The following ANKRD55 variants were observed in gnomAD, a reference collection of about 807,000 sequenced individuals.
ANKRD55 encodes ankyrin repeat domain-containing protein 55.
ANKRD55 carries 41 observed loss-of-function variants against 60.6 expected under a neutral mutation model. That is an observed-to-expected ratio of 0.68 (90% confidence interval 0.53 to 0.88). The LOEUF (loss-of-function observed/expected upper bound fraction) is 0.88. Ranked by LOEUF, ANKRD55 falls within the 40% of genes least tolerant of loss-of-function variation. The pLI is 0.00. For synonymous variants in ANKRD55, 264 were observed against 290.3 expected, an observed-to-expected ratio of 0.91 and a Z score of 0.92; for missense variants, 732 against 767.6, an observed-to-expected ratio of 0.95 and a Z score of 0.55.
chr5:56,203,314 C>T (rs1355277896), intron 2 of ANKRD55, among the ~76,000 whole-genome samples: 1 of 152,010 alleles, frequency 6.6e-6, no homozygotes, highest in African/African-American at 2.4e-5. Context: ...AGTGAGTTCT[C>T]ATGAGATCTG....
chr5:56,153,730 G>A (rs143111105), intron 6 of ANKRD55, among the ~76,000 whole-genome samples: 3 of 150,494 alleles, frequency 2.0e-5, no homozygotes, highest in South Asian at 2.1e-4. Flanking sequence ...CCAGCTACTC[G>A]GGAGGCTGAG....
Position 56,223,015 on chromosome 5 carries a change from ACTCCT to A in ANKRD55, c.58+9836_58+9840del, listed in dbSNP as rs566892307. 6.4e-4 allele frequency among the ~76,000 whole-genome samples: 98 copies of A among 152,228 alleles called. No individual in the cohort carries two copies. The East Asian group carries it at 0.018, about 28-fold the overall frequency. On this transcript the variant is annotated intron_variant, in intron 2 of 11. Transcript: ENST00000341048. ...GAAATACAGAGAATGCCACAAAGAT[ACTCCT>A]CAAGAAGACCAACTCCAAGACACAT...
chr5:56,158,730 G>C (rs1348206592), intron 6 of ANKRD55, among the ~76,000 whole-genome samples: 1 of 152,188 alleles, frequency 6.6e-6, no homozygotes, highest in East Asian at 1.9e-4. Context: ...ATGTCACTCT[G>C]TCACCCAGGC....
At chr5:56,231,124 G>T (rs757142366) in intron 2 of ANKRD55, among the ~76,000 whole-genome samples, 1 of 152,086 alleles carries the variant, frequency 6.6e-6, no homozygotes, top group South Asian at 2.1e-4. Flanking sequence ...TCTGATCTAC[G>T]TCTATAAGAT....
intron 2 of ANKRD55, among the ~76,000 whole-genome samples, chr5:56,199,711 A>G (rs1759317455): frequency 6.6e-6 from 1 of 151,610 alleles, no homozygotes; most frequent in Admixed American, 6.6e-5. Context: ...TAACACGGTG[A>G]AACCCTGTCT....
At chr5:56,116,192 G>A (rs1300212164) in intron 9 of ANKRD55, among the ~76,000 whole-genome samples, 3 of 152,140 alleles carry the variant, frequency 2.0e-5, no homozygotes, top group Admixed American at 1.3e-4. Flanking sequence ...ATATTGACGG[G>A]TTTGACTCTC....
chr5:56,121,936 C>G (rs1757077939), intron 8 of ANKRD55, among the ~76,000 whole-genome samples: 1 of 152,114 alleles, frequency 6.6e-6, no homozygotes, highest in Non-Finnish European at 1.5e-5. Flanking sequence ...TCTAGGAGGT[C>G]AAGGCTTGGC....
At chr5:56,130,411 A>T (rs1312864335) in intron 7 of ANKRD55, among the ~76,000 whole-genome samples, 1 of 152,182 alleles carries the variant, frequency 6.6e-6, no homozygotes, top group African/African-American at 2.4e-5. Flanking sequence ...AAGGGGAAAA[A>T]ACATCCTGAG....
intron 11 of ANKRD55, among the ~76,000 whole-genome samples, chr5:56,102,214 C>G (rs1013100740): frequency 1.3e-5 from 2 of 151,810 alleles, no homozygotes; most frequent in Non-Finnish European, 2.9e-5. Context: ...TGGCAAAACC[C>G]CATCTCTACT....
intron 6 of ANKRD55, among the ~76,000 whole-genome samples, chr5:56,158,587 C>T (rs890701059): frequency 1.3e-5 from 2 of 152,158 alleles, no homozygotes; most frequent in Admixed American, 6.5e-5. Flanking sequence ...AAGCCTTCTA[C>T]TTGCAACATG....
chr5:56,125,011 C>T (rs1757198741), intron 8 of ANKRD55, among the ~76,000 whole-genome samples: 1 of 151,908 alleles, frequency 6.6e-6, no homozygotes. Flanking sequence ...TCTTTTTTCC[C>T]CTTAGTTTTA....
At chr5:56,223,482 G>A (rs1008062413) in intron 2 of ANKRD55, among the ~76,000 whole-genome samples, 2 of 152,144 alleles carry the variant, frequency 1.3e-5, no homozygotes, top group African/African-American at 4.8e-5. Flanking sequence ...CATAATGACA[G>A]GATCAAATTC....
intron 2 of ANKRD55, among the ~76,000 whole-genome samples, chr5:56,197,769 G>A (rs557667569): frequency 2.4e-4 from 37 of 152,154 alleles, no homozygotes; most frequent in Admixed American, 1.9e-3. Context: ...AATGAGATAC[G>A]AAAATAAACC....
At chr5:56,192,550 G>A in intron 2 of ANKRD55, 3 of 377,778 alleles carry the variant, frequency 7.9e-6, no homozygotes, top group Non-Finnish European at 1.5e-5. Context: ...TTTCCGAGAT[G>A]GCCTCTAAAT....
In ANKRD55 at chr5:56,222,641, C is replaced by T. The variant is rs554152429; in HGVS notation, c.58+10215G>A. On this transcript the variant is annotated intron_variant, in intron 2 of 11. Transcript: ENST00000341048. The stretch of plus-strand genomic sequence containing the variant: ...GACGAATGGCTAACTGAATAAATAG[C>T]GTAGAGAAGACCTTAAATGACTTGA... 2.7e-4 allele frequency among the ~76,000 whole-genome samples: 41 copies of T among 152,134 alleles called. No individual in the cohort carries two copies. The East Asian group carries it at 6.6e-3, about 24-fold the overall frequency.
At chr5:56,123,183 G>C (rs1267392792) in intron 8 of ANKRD55, among the ~76,000 whole-genome samples, 1 of 152,094 alleles carries the variant, frequency 6.6e-6, no homozygotes, top group Non-Finnish European at 1.5e-5. Flanking sequence ...CTTGTGCAGG[G>C]CCTGAACCTT....
At chr5:56,184,608 C>T (rs576614943) in intron 2 of ANKRD55, among the ~76,000 whole-genome samples, 5 of 152,142 alleles carry the variant, frequency 3.3e-5, no homozygotes, top group Admixed American at 6.5e-5. Flanking sequence ...TGGTCAAAGG[C>T]AACATCAGGC....
intron 8 of ANKRD55, among the ~76,000 whole-genome samples, chr5:56,120,989 G>T (rs61465683): frequency 1.3e-5 from 2 of 151,908 alleles, no homozygotes; most frequent in African/African-American, 4.8e-5. Context: ...TGCTTCACTA[G>T]CAGAGATACT....
intron 10 of ANKRD55, among the ~76,000 whole-genome samples, chr5:56,107,735 C>T (rs1183921412): frequency 6.6e-6 from 1 of 152,178 alleles, no homozygotes; most frequent in Non-Finnish European, 1.5e-5. Flanking sequence ...CCTGCTCCAT[C>T]AGCCCCTCGA....
Sources: gnomAD v4.1 joint callset for allele counts (sites outside exome capture counted in the v4.1 genomes callset) on GRCh38, gnomAD v4.1.1 for gene constraint, MANE v1.5 for transcripts, NCBI Gene and HGNC (gene_info 2026-07-23, HGNC 2026-07-21) for gene names.